Variants in CLSTN2 observed in about 807,000 individuals in gnomAD.
CLSTN2 encodes the protein calsyntenin-2.
Under a neutral mutation model 101.2 loss-of-function variants are expected in CLSTN2, and 48 were observed. That is an observed-to-expected ratio of 0.47 (90% CI 0.38 to 0.60). CLSTN2 has a LOEUF of 0.60. Among genes scored for constraint, CLSTN2 ranks in the 20% least tolerant of loss-of-function variants. CLSTN2 has a pLI of 0.00. For synonymous variants in CLSTN2, 481 were observed against 463.6 expected (o/e 1.04, Z -0.48); for missense variants, 1,160 against 1,238.2 (o/e 0.94, Z 0.95).
chr3:140,202,158 G>T (rs2010725425), intron 2 of CLSTN2, among the ~76,000 whole-genome samples: 1 of 152,164 alleles, frequency 6.6e-6, no homozygotes, highest in Non-Finnish European at 1.5e-5. Flanking sequence ...CTACAGCAGG[G>T]GTTTGAGCAG....
At chr3:140,563,318 G>A (rs1013571236) in intron 15 of CLSTN2, 115 bp downstream of exon 15, 36 of 1,209,980 alleles carry the variant, frequency 3.0e-5, no homozygotes, top group Non-Finnish European at 4.2e-5. Flanking sequence ...ACTGAGGGAG[G>A]GAACCCAGCA....
chr3:140,362,794 A>G (rs2087743621), intron 2 of CLSTN2, among the ~76,000 whole-genome samples: 3 of 152,204 alleles, frequency 2.0e-5, no homozygotes, highest in African/African-American at 7.2e-5. Context: ...CCAAGAACAG[A>G]TATACCATAA....
intron 8 of CLSTN2, among the ~76,000 whole-genome samples, chr3:140,472,393 C>T (rs1377277638): frequency 6.6e-6 from 1 of 152,202 alleles, no homozygotes. Context: ...AGTTTACTTG[C>T]ATCTGCTCAT....
At chr3:140,441,017 C>T (rs950865266) in intron 5 of CLSTN2, among the ~76,000 whole-genome samples, 2 of 152,324 alleles carry the variant, frequency 1.3e-5, no homozygotes, top group Admixed American at 1.3e-4. Flanking sequence ...GAAGGTCCAG[C>T]GTCTCTGATT....
At chr3:140,394,598 AT>A (rs1171258151) in intron 2 of CLSTN2, among the ~76,000 whole-genome samples, 1 of 151,008 alleles carries the variant, frequency 6.6e-6, no homozygotes, top group African/African-American at 2.4e-5. Context: ...AACAACACCT[AT>A]TGCAGCCTTT....
At chr3:139,955,658 C>T (rs951719279) in intron 1 of CLSTN2, among the ~76,000 whole-genome samples, 6 of 152,302 alleles carry the variant, frequency 3.9e-5, no homozygotes, top group Admixed American at 6.5e-5. Context: ...AGTCCCTCTT[C>T]GAAGTCATCT....
intron 2 of CLSTN2, among the ~76,000 whole-genome samples, chr3:140,319,555 C>G (rs186404088): frequency 4.2e-4 from 64 of 152,286 alleles, no homozygotes; most frequent in African/African-American, 1.5e-3. Flanking sequence ...CAGGCTGCCC[C>G]TGTAGGGTTA....
intron 10 of CLSTN2, among the ~76,000 whole-genome samples, chr3:140,553,660 T>G (rs950148474): frequency 6.6e-6 from 1 of 152,190 alleles, no homozygotes; most frequent in African/African-American, 2.4e-5. Context: ...GGTTTCTGCA[T>G]AGAATGCTGC....
chr3:140,126,913 G>T (rs982014327), intron 1 of CLSTN2, among the ~76,000 whole-genome samples: 5 of 151,942 alleles, frequency 3.3e-5, no homozygotes, highest in Non-Finnish European at 5.9e-5. Flanking sequence ...TCGTGGGGTG[G>T]GTTGCAAGTA....
At chr3:140,438,751 T>C (rs1373674767) in intron 5 of CLSTN2, among the ~76,000 whole-genome samples, 1 of 152,138 alleles carries the variant, frequency 6.6e-6, no homozygotes, top group African/African-American at 2.4e-5. Context: ...AGTACCCTGG[T>C]TGGCTGAATT....
At chr3:140,168,137 A>G (rs1022588216) in intron 1 of CLSTN2, among the ~76,000 whole-genome samples, 5 of 152,204 alleles carry the variant, frequency 3.3e-5, no homozygotes, top group Admixed American at 2.0e-4. Context: ...TTAGTCTTAC[A>G]TTCTTACCAA....
chr3:140,300,340 T>G (rs9863506), intron 2 of CLSTN2, among the ~76,000 whole-genome samples: 26,355 of 152,170 alleles, frequency 0.17, 2,805 homozygotes, highest in East Asian at 0.47. Flanking sequence ...ATTCCTACAG[T>G]GTCTGTTCTC....
chr3:140,540,543 C>T (rs771053354), intron 9 of CLSTN2, among the ~76,000 whole-genome samples: 4 of 152,170 alleles, frequency 2.6e-5, no homozygotes, highest in Admixed American at 2.6e-4. Flanking sequence ...ATTTGCATTG[C>T]TTAAAATTGA....
intron 5 of CLSTN2, among the ~76,000 whole-genome samples, chr3:140,443,602 CT>C (rs1933006995): frequency 6.6e-6 from 1 of 152,226 alleles, no homozygotes; most frequent in Non-Finnish European, 1.5e-5. Flanking sequence ...AGGCTGCTCC[CT>C]TTCTCTTCAC....
intron 2 of CLSTN2, among the ~76,000 whole-genome samples, chr3:140,213,730 C>T (rs868849965): frequency 2.6e-5 from 4 of 152,052 alleles, no homozygotes; most frequent in South Asian, 2.1e-4. Flanking sequence ...CCTTGGTTAG[C>T]GAGGAGGTTA....
intron 2 of CLSTN2, among the ~76,000 whole-genome samples, chr3:140,307,351 C>G (rs1052129239): frequency 6.6e-6 from 1 of 152,216 alleles, no homozygotes; most frequent in African/African-American, 2.4e-5. Context: ...CTCCTGCTCT[C>G]CTTGCCCTTC....
At chr3:140,306,001 C>G (rs563201755) in intron 2 of CLSTN2, among the ~76,000 whole-genome samples, 1 of 152,236 alleles carries the variant, frequency 6.6e-6, no homozygotes, top group East Asian at 1.9e-4. Context: ...ACTCTAAGAA[C>G]AGACCATGGA....
At chr3:140,149,840 A>G (rs1002880890) in intron 1 of CLSTN2, among the ~76,000 whole-genome samples, 2 of 152,196 alleles carry the variant, frequency 1.3e-5, no homozygotes, top group Admixed American at 1.3e-4. Flanking sequence ...TGAAACTCAA[A>G]TTTAACCGGG....
intron 8 of CLSTN2, among the ~76,000 whole-genome samples, chr3:140,527,320 GA>G (rs1487713257): frequency 2.6e-5 from 4 of 151,896 alleles, no homozygotes; most frequent in African/African-American, 9.7e-5. Flanking sequence ...ACAAAAATAT[GA>G]AAAAAATGCC....
Sources: gnomAD v4.1 joint callset for allele counts (sites outside exome capture counted in the v4.1 genomes callset) on GRCh38, gnomAD v4.1.1 for gene constraint, MANE v1.5 for transcripts, NCBI Gene and HGNC (gene_info 2026-07-23, HGNC 2026-07-21) for gene names.